The following KIAA0825 variants were observed in gnomAD, a reference collection of about 807,000 sequenced individuals.
KIAA0825 encodes the protein uncharacterized protein KIAA0825.
A neutral mutation model predicts 147.6 loss-of-function variants in KIAA0825; 119 were observed. The ratio of observed to expected loss-of-function variants is 0.81; its 90% CI spans 0.69 to 0.94. The LOEUF is 0.94. KIAA0825 is among the 40% of genes least tolerant of loss of function. The pLI is 0.00. For missense variants in KIAA0825, 1,381 were observed against 1,472.7 expected (o/e 0.94, Z 1.02); for synonymous variants, 470 against 518.1 (o/e 0.91, Z 1.26).
intron 20 of KIAA0825, among the ~76,000 whole-genome samples, chr5:94,243,195 T>C (rs1365112235): frequency 6.6e-6 from 1 of 152,212 alleles, no homozygotes; most frequent in East Asian, 1.9e-4. Flanking sequence ...TGAATGTTCA[T>C]CAAATTCTTG....
intron 2 of KIAA0825, among the ~76,000 whole-genome samples, chr5:94,552,238 T>A (rs1775684377): frequency 6.6e-6 from 1 of 152,100 alleles, no homozygotes; most frequent in African/African-American, 2.4e-5. Flanking sequence ...TAAATATATA[T>A]GCACCCAACA....
intron 20 of KIAA0825, among the ~76,000 whole-genome samples, chr5:94,252,474 G>A (rs781290635): frequency 3.3e-5 from 5 of 151,928 alleles, no homozygotes; most frequent in African/African-American, 4.8e-5. Context: ...TATAGAGAGA[G>A]AGAGAGTGAG....
chr5:94,159,980 A>G (rs1767399758), intron 20 of KIAA0825, among the ~76,000 whole-genome samples: 1 of 152,178 alleles, frequency 6.6e-6, no homozygotes, highest in Non-Finnish European at 1.5e-5. Context: ...TTGTTCTACC[A>G]ATATATAGCT....
chr5:94,175,566 C>G (rs1359972807), intron 20 of KIAA0825, among the ~76,000 whole-genome samples: 3 of 152,156 alleles, frequency 2.0e-5, no homozygotes, highest in African/African-American at 7.2e-5. Context: ...AGCCTTCTTT[C>G]TCACCTACAC....
At chr5:94,592,150 A>T (rs1052710184) in intron 1 of KIAA0825, among the ~76,000 whole-genome samples, 1 of 152,224 alleles carries the variant, frequency 6.6e-6, no homozygotes, top group African/African-American at 2.4e-5. Flanking sequence ...AACTCATTTC[A>T]GCATTAACTC....
At chr5:94,503,561 G>A (rs1257601216) in intron 5 of KIAA0825, among the ~76,000 whole-genome samples, 1 of 152,078 alleles carries the variant, frequency 6.6e-6, no homozygotes, top group Non-Finnish European at 1.5e-5. Flanking sequence ...TACAAATCAG[G>A]ACACATGTCC....
chr5:94,460,427 C>T (rs9285014), intron 12 of KIAA0825, among the ~76,000 whole-genome samples: 20,910 of 152,038 alleles, frequency 0.14, 1,838 homozygotes, highest in Non-Finnish European at 0.19. Flanking sequence ...CGTGGTCCTA[C>T]GCTAAGTTCA....
intron 14 of KIAA0825, among the ~76,000 whole-genome samples, chr5:94,433,236 C>T (rs1755927753): frequency 1.3e-5 from 2 of 152,102 alleles, no homozygotes; most frequent in Non-Finnish European, 2.9e-5. Context: ...ACCGTGTTAG[C>T]CAGGATGGTC....
chr5:94,351,674 A>C (rs1019726520), intron 20 of KIAA0825, among the ~76,000 whole-genome samples: 3 of 152,180 alleles, frequency 2.0e-5, no homozygotes, highest in African/African-American at 7.2e-5. Flanking sequence ...GCATCACACT[A>C]CCTGATTTCA....
At chr5:94,555,037 A>G (rs1776287990) in intron 2 of KIAA0825, among the ~76,000 whole-genome samples, 1 of 151,948 alleles carries the variant, frequency 6.6e-6, no homozygotes, top group Non-Finnish European at 1.5e-5. Context: ...TTTCCCTAGA[A>G]CTATTATAAA....
intron 20 of KIAA0825, among the ~76,000 whole-genome samples, chr5:94,304,239 G>T (rs1460378677): frequency 6.6e-6 from 1 of 151,932 alleles, no homozygotes; most frequent in Non-Finnish European, 1.5e-5. Context: ...ATGAAACGAA[G>T]ACAAGTCGTT....
chr5:94,550,366 C>T (rs565915733), intron 2 of KIAA0825, among the ~76,000 whole-genome samples: 1 of 152,156 alleles, frequency 6.6e-6, no homozygotes, highest in Non-Finnish European at 1.5e-5. Flanking sequence ...GATTACACTA[C>T]TGTGTGAACC....
intron 20 of KIAA0825, among the ~76,000 whole-genome samples, chr5:94,294,405 T>C (rs111899081): frequency 1.7e-3 from 254 of 152,348 alleles, no homozygotes; most frequent in African/African-American, 5.6e-3. Context: ...TTTAGCTGGA[T>C]ATGAAATTCT....
intron 5 of KIAA0825, among the ~76,000 whole-genome samples, chr5:94,509,737 C>CGT (rs2151157940): frequency 6.6e-6 from 1 of 152,322 alleles, no homozygotes; most frequent in Admixed American, 6.5e-5. Flanking sequence ...ACTGATTCTA[C>CGT]ATTACATTTA....
At chr5:94,314,372 A>C (rs1017178894) in intron 20 of KIAA0825, among the ~76,000 whole-genome samples, 1 of 151,664 alleles carries the variant, frequency 6.6e-6, no homozygotes, top group South Asian at 2.1e-4. Flanking sequence ...TGATGTGGCC[A>C]TTTAACAAGA....
At position 94,537,107 on chromosome 5, in the gene KIAA0825, T is replaced by C; in HGVS notation, c.20A>G (p.Tyr7Cys). Reference sequence around the variant, plus strand: ...ATGTAGGTCAAAAGAATTATGAGAATATTCATCATCCCAATCCATTCTGAG... The same window carrying C: ...ATGTAGGTCAAAAGAATTATGAGAACATTCATCATCCCAATCCATTCTGAG... MDWDDE[Y>C]SHNSFDLHCL... is the part of the protein sequence containing the mutation. Residue 7 changes from tyrosine (Y) to cysteine (C), a missense_variant, in exon 3 of 21, where the codon TAT (tyrosine) becomes TGT (cysteine). By Grantham distance (194) the Tyr-to-Cys change is radical. Transcript: ENST00000682413. The C allele has an allele frequency of 5.0e-6, 8 of 1,611,756 alleles. 1 individual carries two copies. Among genetic ancestry groups the C allele is most frequent in the Non-Finnish European group, 6.8e-6 (8 of 1,178,844 alleles).
chr5:94,440,570 A>G (rs1308444954), intron 13 of KIAA0825, among the ~76,000 whole-genome samples: 1 of 152,168 alleles, frequency 6.6e-6, no homozygotes, highest in Non-Finnish European at 1.5e-5. Context: ...TTGCAGATGA[A>G]AAAAAATCAA....
At chr5:94,437,970 G>A (rs1372424493) in intron 14 of KIAA0825, among the ~76,000 whole-genome samples, 2 of 152,164 alleles carry the variant, frequency 1.3e-5, no homozygotes, top group African/African-American at 4.8e-5. Flanking sequence ...GCCAGCTTAA[G>A]GAGGAATACA....
At chr5:94,556,371 C>T (rs1329680759) in intron 2 of KIAA0825, among the ~76,000 whole-genome samples, 1 of 152,046 alleles carries the variant, frequency 6.6e-6, no homozygotes, top group Non-Finnish European at 1.5e-5. Flanking sequence ...GAGCCACATG[C>T]CCCGCCAGAT....
Sources: allele counts gnomAD v4.1 joint callset (sites outside exome capture counted in the v4.1 genomes callset), GRCh38; gene constraint gnomAD v4.1.1; transcripts MANE v1.5; gene names NCBI Gene and HGNC (gene_info 2026-07-23, HGNC 2026-07-21).